Variants in CNGB1 observed in about 807,000 individuals in gnomAD.
CNGB1 encodes cyclic nucleotide-gated channel beta-1.
In CNGB1, 126 loss-of-function variants were observed where a neutral mutation model predicts 151.7. The ratio of observed to expected loss-of-function variants is 0.83; its 90% CI spans 0.72 to 0.96. The LOEUF (loss-of-function observed/expected upper bound fraction) is 0.96. CNGB1 is among the 40% of genes least tolerant of loss of function. CNGB1 has a pLI of 0.00. For synonymous variants in CNGB1, 623 were observed against 635.1 expected (o/e 0.98, Z 0.29); for missense variants, 1,698 against 1,627.0 (o/e 1.04, Z -0.75).
At chr16:57,959,697 C>T (rs571050099) in intron 10 of CNGB1, among the ~76,000 whole-genome samples, 191 bp downstream of exon 10, 3 of 152,278 alleles carry the variant, frequency 2.0e-5, no homozygotes, top group East Asian at 3.9e-4. Context: ...AGAAAAGTAC[C>T]CAAAGCTTGA....
At chr16:57,930,363 C>T (rs180821642) in intron 17 of CNGB1, among the ~76,000 whole-genome samples, 44 of 152,024 alleles carry the variant, frequency 2.9e-4, no homozygotes, top group African/African-American at 1.0e-3. Flanking sequence ...TGGGTGGTGG[C>T]ATGTGCCTGT....
In CNGB1 at chr16:57,911,745, T is replaced by A. The variant is rs771113499; in HGVS notation, c.2492+8A>T. 1 of 1,613,782 alleles carries A rather than the reference T, an allele frequency of 6.2e-7. No individual in the cohort carries two copies. The highest frequency in any genetic ancestry group is 2.2e-5 in the East Asian group (1 of 44,852). Reference sequence around the variant, plus strand: ...AGGCATGGCCCCAGGGGGAGGACTGTGGCTCACCTGTTTCCCACGCCATCG... The same window carrying A: ...AGGCATGGCCCCAGGGGGAGGACTGAGGCTCACCTGTTTCCCACGCCATCG... On this transcript the variant is annotated splice_region_variant and intron_variant, in intron 25 of 32. Transcript: ENST00000251102.
chr16:57,926,019 G>T (rs968844441), intron 17 of CNGB1, among the ~76,000 whole-genome samples: 1 of 152,150 alleles, frequency 6.6e-6, no homozygotes, highest in Non-Finnish European at 1.5e-5. Context: ...CTTCATTTCC[G>T]TGAGGTTTGA....
At position 57,903,845 on chromosome 16, in the gene CNGB1, G is replaced by A. The variant is rs369766836; in HGVS notation, c.2771C>T (p.Thr924Ile). ...ACCCAGCATGCCTTGCGAGTGCCAG[G>A]TGTACTCGTACCAGGTCTTGACGCG... is the stretch of plus-strand genomic sequence containing the variant. ...QNRVKTWYEY[T>I]WHSQGMLDES... The change falls in exon 27 of 33, where the codon ACC becomes ATC. Residue 924 changes from threonine to isoleucine, a missense_variant. Transcript: ENST00000251102. The A allele has an allele frequency of 1.9e-6, 3 of 1,614,192 alleles. No homozygotes were observed. The African/African-American group carries it at 4.0e-5, about 22-fold the overall frequency.
intron 25 of CNGB1, 41 bp from the exon 26 acceptor site, chr16:57,904,916 C>T (rs1567370394): frequency 1.2e-6 from 2 of 1,613,550 alleles, no homozygotes; most frequent in Non-Finnish European, 1.7e-6. Context: ...CATCACAGGC[C>T]CCACTCTGCC....
intron 12 of CNGB1, chr16:57,955,298 T>G: frequency 6.4e-7 from 1 of 1,551,548 alleles, no homozygotes; most frequent in East Asian, 2.4e-5. Flanking sequence ...TTTCCTTCCA[T>G]CCATGTGTCC....
At chr16:57,966,164 C>A (rs117868396) in intron 2 of CNGB1, among the ~76,000 whole-genome samples, 239 of 152,308 alleles carry the variant, frequency 1.6e-3, no homozygotes, top group Middle Eastern at 6.8e-3. Flanking sequence ...CTCTTCTGAG[C>A]TCCCATAGTT....
intron 7 of CNGB1, among the ~76,000 whole-genome samples, chr16:57,961,377 C>A (rs746140230): frequency 2.6e-5 from 4 of 152,210 alleles, no homozygotes; most frequent in Non-Finnish European, 4.4e-5. Flanking sequence ...TTGCCCTGGG[C>A]CCCACAAATT....
At chr16:57,903,278 G>A (rs1422263905) in intron 27 of CNGB1, among the ~76,000 whole-genome samples, 2 of 151,108 alleles carry the variant, frequency 1.3e-5, no homozygotes, top group African/African-American at 4.9e-5. Flanking sequence ...AATCACCTGA[G>A]GTCAGGAGTC....
Position 57,923,359 on chromosome 16 carries a change from A to T in CNGB1, c.1557T>A (p.Asp519Glu). 6.2e-7 allele frequency: 1 copy of T among 1,613,372 alleles called. No individual in the cohort carries two copies. The highest frequency in any genetic ancestry group is 8.5e-7 in the Non-Finnish European group (1 of 1,179,734). The change falls in exon 18 of 33, where the codon GAT (aspartate) becomes GAA (glutamate). Residue 519 changes from aspartate to glutamate, a missense_variant. Physicochemically the swap from Asp to Glu is conservative, Grantham distance 45. Transcript: ENST00000251102. ...GTHRKKLPSE[D>E]DEAEELKALS... ...ACGCCTTGAGCTCTTCAGCCTCATC[A>T]TCCTCAGAGGGCAGCTTCTTCCTGC...
At chr16:57,923,599 A>G (rs752114412) in intron 17 of CNGB1, among the ~76,000 whole-genome samples, 6 of 152,102 alleles carry the variant, frequency 3.9e-5, no homozygotes, top group Non-Finnish European at 7.4e-5. Flanking sequence ...CCATCTGTTA[A>G]ATGGCTTGGC....
rs189283665 is a variant in CNGB1 at position 57,894,875 on chromosome 16, A to G, written c.3242+2522T>C. On this transcript the variant is annotated intron_variant, in intron 31 of 32. Transcript: ENST00000251102. ...CCCTAAATGGAATGTAAACTGAAAC[A>G]AGTGAACCTACCTGTATTTCAAATG... 9.0e-3 allele frequency among the ~76,000 whole-genome samples: 1,375 copies of G among 152,280 alleles called. 7 individuals are homozygous for G. Among genetic ancestry groups the G allele is most frequent in the Middle Eastern group, 0.02 (6 of 294 alleles).
intron 9 of CNGB1, 91 bp downstream of exon 9, chr16:57,960,391 G>A (rs1479843592): frequency 6.7e-7 from 1 of 1,495,026 alleles, no homozygotes; most frequent in Admixed American, 1.9e-5. Context: ...GGGGCTAAGG[G>A]CCTCTGGGGG....
Position 57,899,438 on chromosome 16 carries a change from G to A in CNGB1, c.2977-1524C>T, listed in dbSNP as rs867311943. ...GCACATCACCTGAGGTCAGGAGTTC[G>A]AGACCAGCCTAGCCAACATGGCAAA... On this transcript the variant is annotated intron_variant, in intron 29 of 32. Coordinates refer to ENST00000251102, the MANE Select transcript of CNGB1 (RefSeq NM_001297.5). Among the ~76,000 whole-genome samples the A allele has an allele frequency of 8.5e-5, 13 of 152,286 alleles. No homozygotes were observed. The South Asian group carries it at 1.0e-3, about 12-fold the overall frequency.
chr16:57,898,513 G>C (rs1393720736), intron 29 of CNGB1, among the ~76,000 whole-genome samples: 1 of 152,104 alleles, frequency 6.6e-6, no homozygotes, highest in Non-Finnish European at 1.5e-5. Flanking sequence ...AAACAGCTGC[G>C]ATTACAGGCA....
chr16:57,895,783 G>C (rs1409366441), intron 31 of CNGB1, among the ~76,000 whole-genome samples: 2 of 152,116 alleles, frequency 1.3e-5, no homozygotes, highest in Non-Finnish European at 2.9e-5. Context: ...GCATCTGGTT[G>C]TGGCTTACTG....
chr16:57,922,288 C>T (rs1000540448), intron 18 of CNGB1, among the ~76,000 whole-genome samples: 4 of 152,094 alleles, frequency 2.6e-5, no homozygotes, highest in Admixed American at 6.5e-5. Flanking sequence ...AGCCCAGGGC[C>T]CGGGTATTCG....
rs375525176 is a variant in CNGB1, at chr16:57,887,887, C to T, written c.3430G>A (p.Ala1144Thr). 7 of 1,614,110 alleles carry T rather than the reference C, an allele frequency of 4.3e-6. No homozygotes were observed. In the African/African-American group the frequency reaches 9.3e-5, roughly 22 times the overall value. The change falls in exon 32 of 33, where the codon GCG (alanine) becomes ACG (threonine). Residue 1144 changes from alanine (A) to threonine (T), a missense_variant. Transcript: ENST00000251102. ...ARLKELAALEAAAKQQELVEQ... is the reference protein window; with the variant it reads ...ARLKELAALETAAKQQELVEQ... Reference sequence around the variant, plus strand: ...ACCAACTCTTGCTGCTTTGCAGCCGCCTCCAGCGCGGCCAGTTCTTTGAGC... The same window carrying T: ...ACCAACTCTTGCTGCTTTGCAGCCGTCTCCAGCGCGGCCAGTTCTTTGAGC...
intron 7 of CNGB1, among the ~76,000 whole-genome samples, chr16:57,961,943 G>A (rs1962268146): frequency 6.6e-6 from 1 of 152,238 alleles, no homozygotes; most frequent in African/African-American, 2.4e-5. Flanking sequence ...GAAGTCTACA[G>A]TGTCCTGAAA....
Sources: gnomAD v4.1 joint callset for allele counts (sites outside exome capture counted in the v4.1 genomes callset) on GRCh38, gnomAD v4.1.1 for gene constraint, MANE v1.5 for transcripts, NCBI Gene and HGNC (gene_info 2026-07-23, HGNC 2026-07-21) for gene names.